Variants in TATDN1 observed in about 807,000 individuals in gnomAD.
The protein encoded by TATDN1 is TatD DNase domain containing 1.
Under a neutral mutation model 46.4 loss-of-function variants are expected in TATDN1, and 40 were observed. The observed-to-expected ratio is 0.86, with a 90% CI of 0.67 to 1.12. The LOEUF (loss-of-function observed/expected upper bound fraction) is 1.12, where lower values mean the gene tolerates loss of function less well. Among genes scored for constraint, TATDN1 ranks in the 50% most tolerant of loss-of-function variants. The pLI is 0.00. For synonymous variants in TATDN1, 95 were observed against 105.6 expected (o/e 0.90, Z 0.62); for missense variants, 326 against 348.4 (o/e 0.94, Z 0.51).
Position 124,515,756 on chromosome 8 carries a change from T to C in TATDN1, c.379A>G (p.Thr127Ala), listed in dbSNP as rs1185452674. 1.2e-6 allele frequency: 2 copies of C among 1,613,584 alleles called. No homozygotes were observed. The highest frequency in any genetic ancestry group is 1.1e-5 in the South Asian group (1 of 90,952). The stretch of plus-strand genomic sequence containing the variant: ...AACAAATTTCCTTACTTGAGTTGAG[T>C]ATCTTTGGGACAAAACTGCAGTCGG... The part of the protein sequence containing the change: ...FDRLQFCPKD[T>A]QLKYFEKQFE... The change falls in exon 6 of 12, where the codon ACT becomes GCT. Residue 127 changes from threonine (T) to alanine (A), a missense_variant. Physicochemically the swap from Thr to Ala is moderately conservative, Grantham distance 58 (BLOSUM62 0). Coordinates refer to ENST00000276692, the MANE Select transcript of TATDN1 (RefSeq NM_032026.4).
intron 1 of TATDN1, among the ~76,000 whole-genome samples, chr8:124,535,372 G>A (rs1308163464): frequency 1.3e-5 from 2 of 152,134 alleles, no homozygotes; most frequent in African/African-American, 4.8e-5. Flanking sequence ...TTTACTATAT[G>A]GCCCTTTAAG....
chr8:124,517,602 G>C (rs957498137), intron 4 of TATDN1, among the ~76,000 whole-genome samples: 3 of 152,044 alleles, frequency 2.0e-5, no homozygotes, highest in African/African-American at 7.2e-5. Flanking sequence ...TCAGTGTCTA[G>C]CACGTAAGAT....
At chr8:124,531,396 C>T (rs942828521) in intron 1 of TATDN1, among the ~76,000 whole-genome samples, 2 of 152,172 alleles carry the variant, frequency 1.3e-5, no homozygotes, top group African/African-American at 2.4e-5. Flanking sequence ...TCCCATTAGA[C>T]TGTTCAACTA....
chr8:124,516,158 T>C (rs568055940), intron 4 of TATDN1, 128 bp from the exon 5 acceptor site: 1 of 744,850 alleles, frequency 1.3e-6, no homozygotes, highest in African/African-American at 1.8e-5. Context: ...ACTCAAATTA[T>C]AAGAACTGCA....
chr8:124,495,529 C>A lies in TATDN1; in HGVS notation c.607G>T (p.Glu203Ter). ...GACTTCAAAACTTCCAAATTAGCTT[C>A]AGTTTTCAGTGAGCTTAAAAAAAAG... is the stretch of plus-strand genomic sequence containing the variant. ...IGFNGCSLKT[E>*]ANLEVLKSIP... The change falls in exon 10 of 12, where the codon GAA (glutamate) becomes TAA (stop). Residue 203 changes from glutamate (E) to a stop codon, truncating the protein, a stop_gained. Transcript: ENST00000276692. LOFTEE classifies it high-confidence loss of function. 1 of 1,603,466 alleles carries A rather than the reference C, an allele frequency of 6.2e-7. No individual in the cohort carries two copies.
chr8:124,506,533 A>C (rs1818449355), intron 8 of TATDN1, among the ~76,000 whole-genome samples: 1 of 152,146 alleles, frequency 6.6e-6, no homozygotes, highest in African/African-American at 2.4e-5. Flanking sequence ...AAAAAATTAC[A>C]GAGTTAGTAC....
intron 1 of TATDN1, among the ~76,000 whole-genome samples, chr8:124,530,940 GGTT>G (rs1563690820): frequency 1.3e-5 from 2 of 152,120 alleles, no homozygotes; most frequent in Admixed American, 6.5e-5. Flanking sequence ...ATTCAGCAAG[GGTT>G]GTTGTTTTCA....
chr8:124,503,907 CCGTT>C (rs1249909796), intron 9 of TATDN1: 16 of 1,292,932 alleles, frequency 1.2e-5, no homozygotes, highest in African/African-American at 6.1e-5. Context: ...ACAGAATAAA[CCGTT>C]CGTCCATAGT....
chr8:124,518,519 G>A (rs1382275594), intron 4 of TATDN1, among the ~76,000 whole-genome samples: 5 of 135,978 alleles, frequency 3.7e-5, no homozygotes, highest in Admixed American at 7.3e-5. Flanking sequence ...GTGAGACTCC[G>A]TCTCAAAAAA....
intron 8 of TATDN1, 38 bp downstream of exon 8, chr8:124,508,436 T>C (rs775406601): frequency 1.3e-6 from 2 of 1,578,674 alleles, no homozygotes; most frequent in South Asian, 2.3e-5. Flanking sequence ...GGATTAGAGA[T>C]GTTCAACCTG....
At chr8:124,512,209 G>A (rs371148841) in intron 6 of TATDN1, among the ~76,000 whole-genome samples, 6 of 152,276 alleles carry the variant, frequency 3.9e-5, no homozygotes, top group African/African-American at 1.4e-4. Context: ...GATCACTTGA[G>A]GTCTGGAGTT....
Position 124,515,776 on chromosome 8 carries a change from A to C in TATDN1, c.359T>G (p.Leu120Arg). The change falls in exon 6 of 12, where the codon CTG becomes CGG. Residue 120 changes from leucine to arginine, a missense_variant. Coordinates refer to ENST00000276692, the MANE Select transcript of TATDN1 (RefSeq NM_032026.4). ...TTGAGTATCTTTGGGACAAAACTGC[A>C]GTCGGTCAAAATCTTTAAAAAGATA... ...IGECGLDFDR[L>R]QFCPKDTQLK... The C allele has an allele frequency of 6.2e-7, 1 of 1,613,898 alleles. No homozygotes were observed. Among genetic ancestry groups the C allele is most frequent in the Non-Finnish European group, 8.5e-7 (1 of 1,179,866 alleles).
intron 1 of TATDN1, among the ~76,000 whole-genome samples, chr8:124,534,093 C>T (rs1821212551): frequency 7.2e-6 from 1 of 139,404 alleles, no homozygotes; most frequent in African/African-American, 2.8e-5. Context: ...TTGCAGTGAG[C>T]CCAGACTGCA....
intron 9 of TATDN1, among the ~76,000 whole-genome samples, chr8:124,497,910 G>C (rs907165273): frequency 6.6e-6 from 1 of 152,188 alleles, no homozygotes; most frequent in Non-Finnish European, 1.5e-5. Flanking sequence ...TTTCTGTCAA[G>C]TGTTGATTCC....
intron 1 of TATDN1, among the ~76,000 whole-genome samples, chr8:124,530,555 A>T (rs1295098088): frequency 6.6e-6 from 1 of 152,222 alleles, no homozygotes; most frequent in Non-Finnish European, 1.5e-5. Context: ...GAAAAACCAT[A>T]AATCCCATAC....
intron 1 of TATDN1, among the ~76,000 whole-genome samples, chr8:124,523,698 C>A (rs1228230037): frequency 1.3e-5 from 2 of 152,110 alleles, no homozygotes; most frequent in African/African-American, 2.4e-5. Flanking sequence ...TTAAAGCATA[C>A]ATGAGGATAT....
At chr8:124,533,177 G>A (rs1233097382) in intron 1 of TATDN1, among the ~76,000 whole-genome samples, 1 of 152,000 alleles carries the variant, frequency 6.6e-6, no homozygotes, top group East Asian at 1.9e-4. Flanking sequence ...GTGTGAATCC[G>A]GGAGGTGGAG....
intron 3 of TATDN1, among the ~76,000 whole-genome samples, chr8:124,519,748 G>A (rs17298171): frequency 0.052 from 7,936 of 152,258 alleles, 266 homozygotes; most frequent in East Asian, 0.09. Context: ...GTAGGAAAAC[G>A]TATGGCTTTT....
chr8:124,508,796 A>C lies in TATDN1; in HGVS notation c.390-108T>G, dbSNP rs1367110899. Reference sequence around the variant, plus strand: ...ATTAAAGGTATTTAATTCTCTAGAAATTACAGGACAAAAATCATGAATATT... The same window carrying C: ...ATTAAAGGTATTTAATTCTCTAGAACTTACAGGACAAAAATCATGAATATT... On this transcript the variant is annotated intron_variant, in intron 6 of 11. Transcript: ENST00000276692. 15 of 688,272 alleles carry C rather than the reference A, an allele frequency of 2.2e-5. No individual in the cohort carries two copies. The East Asian group carries it at 4.3e-4, about 20-fold the overall frequency. The allele number at this position is 688,272 out of a possible 1,614,324, so 42.6% of individuals were successfully genotyped here.
Sources: allele counts gnomAD v4.1 joint callset (sites outside exome capture counted in the v4.1 genomes callset), GRCh38; gene constraint gnomAD v4.1.1; transcripts MANE v1.5; gene names NCBI Gene and HGNC (gene_info 2026-07-23, HGNC 2026-07-21).